The following CCNY variants were observed in gnomAD, a reference collection of about 807,000 sequenced individuals.
The protein encoded by CCNY is cyclin-Y.
In CCNY, 19 loss-of-function variants were observed where a neutral mutation model predicts 42.8. The observed-to-expected ratio is 0.44, with a 90% CI of 0.31 to 0.65. The LOEUF (loss-of-function observed/expected upper bound fraction) is 0.65, where lower values mean the gene tolerates loss of function less well. CCNY is among the 30% of genes least tolerant of loss of function. The pLI, the probability that CCNY is intolerant of heterozygous loss-of-function variation, is 0.07. For missense variants in CCNY, 370 were observed against 437.3 expected, an observed-to-expected ratio of 0.85 and a Z score of 1.37; for synonymous variants, 165 against 162.7, an observed-to-expected ratio of 1.01 and a Z score of -0.11.
intron 3 of CCNY, among the ~76,000 whole-genome samples, chr10:35,288,893 A>G (rs1366522084): frequency 6.6e-6 from 1 of 152,194 alleles, no homozygotes; most frequent in Non-Finnish European, 1.5e-5. Flanking sequence ...TAAAACCTCC[A>G]AGTTCATTCT....
intron 1 of CCNY, among the ~76,000 whole-genome samples, chr10:35,466,434 C>A (rs1839271224): frequency 6.6e-6 from 1 of 152,136 alleles, no homozygotes; most frequent in Non-Finnish European, 1.5e-5. Context: ...CAAGGCCAGA[C>A]TGGAGGAGCA....
intron 3 of CCNY, among the ~76,000 whole-genome samples, chr10:35,320,580 A>G (rs1835809195): frequency 1.3e-5 from 2 of 152,242 alleles, no homozygotes; most frequent in Admixed American, 6.5e-5. Flanking sequence ...GTCCAGTCTC[A>G]GGATTTCTAT....
chr10:35,406,378 C>G (rs1266903854), intron 1 of CCNY, among the ~76,000 whole-genome samples: 1 of 151,914 alleles, frequency 6.6e-6, no homozygotes, highest in Non-Finnish European at 1.5e-5. Context: ...ACCCTGTGGC[C>G]TTCCGCAGTG....
chr10:35,553,103 C>T lies in CCNY; in HGVS notation c.664C>T (p.Leu222=). 1 of 1,614,182 alleles carries T rather than the reference C, an allele frequency of 6.2e-7. No homozygotes were observed. Among genetic ancestry groups the T allele is most frequent in the East Asian group, 2.2e-5 (1 of 44,892 alleles). Reference sequence around the variant, plus strand: ...GCGGATTGTTTTAGGGGCGATCCTGCTGGCCTCCAAGGTGTGGGATGACCA... The same window carrying T: ...GCGGATTGTTTTAGGGGCGATCCTGTTGGCCTCCAAGGTGTGGGATGACCA... ...WKRIVLGAIL[L]ASKVWDDQAV... is the part of the protein sequence containing the mutation. Residue 222 remains leucine (L), a synonymous_variant, in exon 8 of 10, where the codon CTG becomes TTG. Transcript: ENST00000374704.
At chr10:35,444,508 A>C (rs1283159411) in intron 1 of CCNY, among the ~76,000 whole-genome samples, 2 of 152,162 alleles carry the variant, frequency 1.3e-5, no homozygotes, top group Non-Finnish European at 2.9e-5. Context: ...TTGGCTTCCC[A>C]AAGTTCTGGG....
chr10:35,446,521 G>A (rs1195610222), intron 1 of CCNY, among the ~76,000 whole-genome samples: 1 of 152,210 alleles, frequency 6.6e-6, no homozygotes, highest in African/African-American at 2.4e-5. Flanking sequence ...CCTGCTTTTA[G>A]TAAAAGTGTG....
chr10:35,520,593 G>A (rs1169871306), intron 4 of CCNY, among the ~76,000 whole-genome samples: 1 of 152,028 alleles, frequency 6.6e-6, no homozygotes, highest in African/African-American at 2.4e-5. Context: ...GCTGATTTTT[G>A]GAAAATAATC....
chr10:35,267,670 T>C (rs779954839), intron 3 of CCNY, among the ~76,000 whole-genome samples: 11 of 152,174 alleles, frequency 7.2e-5, no homozygotes, highest in Non-Finnish European at 2.9e-5. Context: ...AAAACACTGC[T>C]TCCAAGTATC....
intron 1 of CCNY, among the ~76,000 whole-genome samples, chr10:35,343,475 C>T (rs544355029): frequency 1.4e-5 from 2 of 148,046 alleles, no homozygotes; most frequent in South Asian, 2.1e-4. Flanking sequence ...CTGCAACCTC[C>T]GCCTCCTGGG....
chr10:35,441,346 T>G lies in CCNY; in HGVS notation c.155-42058T>G, dbSNP rs114468405. Among the ~76,000 whole-genome samples the G allele has an allele frequency of 5.9e-3, 904 of 152,332 alleles. 12 individuals carry two copies. Among genetic ancestry groups the G allele is most frequent in the African/African-American group, 0.02 (816 of 41,584 alleles). The stretch of plus-strand genomic sequence containing the variant: ...AATAAGAGCTTTCCCTGATGTTAAG[T>G]GTTTGTGGCCTTAGAGAGTGGTACA... On this transcript the variant is annotated intron_variant, in intron 1 of 9. Coordinates refer to ENST00000374704, the MANE Select transcript of CCNY (RefSeq NM_145012.6).
intron 1 of CCNY, among the ~76,000 whole-genome samples, chr10:35,362,289 G>A (rs894306959): frequency 6.6e-6 from 1 of 152,260 alleles, no homozygotes; most frequent in South Asian, 2.1e-4. Flanking sequence ...GCAATAAGAT[G>A]TGCAAGGTGG....
chr10:35,449,847 G>C, intron 1 of CCNY: 1 of 977,482 alleles, frequency 1.0e-6, no homozygotes. Flanking sequence ...TGGAGGTTGG[G>C]GGAGAGACAA....
Position 35,464,529 on chromosome 10 carries a change from C to G in CCNY, c.155-18875C>G, listed in dbSNP as rs1246926332. 2.6e-5 allele frequency among the ~76,000 whole-genome samples: 4 copies of G among 152,104 alleles called. No individual in the cohort carries two copies. In the East Asian group the frequency reaches 7.7e-4, roughly 29 times the overall value. Reference sequence around the variant, plus strand: ...TCACCAATTTTTTCTCACTGCTTCCCCCTTCTTATGGTGCGTCTCAAATGC... The same window carrying G: ...TCACCAATTTTTTCTCACTGCTTCCGCCTTCTTATGGTGCGTCTCAAATGC... On this transcript the variant is annotated intron_variant, in intron 1 of 9. Coordinates refer to ENST00000374704, the MANE Select transcript of CCNY (RefSeq NM_145012.6).
At chr10:35,367,511 G>C (rs187125286) in intron 1 of CCNY, among the ~76,000 whole-genome samples, 108 of 152,322 alleles carry the variant, frequency 7.1e-4, no homozygotes, top group African/African-American at 2.5e-3. Context: ...TTTCTTGTGA[G>C]ATAACATGGG....
intron 3 of CCNY, among the ~76,000 whole-genome samples, chr10:35,251,589 C>CTT (rs34197441): frequency 5.7e-5 from 8 of 139,366 alleles, no homozygotes; most frequent in South Asian, 2.3e-4. Context: ...TTCAATGTCA[C>CTT]TTTTTTTTTT....
In CCNY at chr10:35,569,265, T is replaced by C; in HGVS notation, c.*95T>C. 1.2e-6 allele frequency: 1 copy of C among 809,832 alleles called. No individual in the cohort carries two copies. Among genetic ancestry groups the C allele is most frequent in the Non-Finnish European group, 2.1e-6 (1 of 479,706 alleles). The allele number at this position is 809,832 out of a possible 1,614,324, so 50.2% of individuals were successfully genotyped here. On this transcript the variant is annotated 3_prime_UTR_variant, in exon 10 of 10. Coordinates refer to ENST00000374704, the MANE Select transcript of CCNY (RefSeq NM_145012.6). ...GGTGGGTTTGTTTTTGTTTTTTCTT[T>C]CCTTTTCTTTTTTTACGCATAGCTC...
chr10:35,477,807 G>T (rs1839551990), intron 1 of CCNY, among the ~76,000 whole-genome samples: 1 of 152,046 alleles, frequency 6.6e-6, no homozygotes, highest in Non-Finnish European at 1.5e-5. Flanking sequence ...GCAGGAGAAG[G>T]AAATAAAGGG....
chr10:35,355,678 CAAAAAAAA>C (rs60257114), intron 1 of CCNY, among the ~76,000 whole-genome samples: 24 of 57,422 alleles, frequency 4.2e-4, no homozygotes, highest in East Asian at 3.6e-3. Context: ...ATACTGTCTC[CAAAAAAAA>C]AAAAAAAAAA....
chr10:35,339,729 C>T (rs1836132656), intron 1 of CCNY, among the ~76,000 whole-genome samples: 1 of 152,118 alleles, frequency 6.6e-6, no homozygotes, highest in African/African-American at 2.4e-5. Flanking sequence ...CCTTTGTCAC[C>T]AGGCACATGA....
Sources: allele counts gnomAD v4.1 joint callset (sites outside exome capture counted in the v4.1 genomes callset), GRCh38; gene constraint gnomAD v4.1.1; transcripts MANE v1.5; gene names NCBI Gene and HGNC (gene_info 2026-07-23, HGNC 2026-07-21).